SIK2: variants seen among roughly 807,000 people sequenced by gnomAD.
SIK2 encodes serine/threonine-protein kinase SIK2.
SIK2 carries 29 observed loss-of-function variants against 103.2 expected under a neutral mutation model. The ratio of observed to expected loss-of-function variants is 0.28; its 90% CI spans 0.21 to 0.38. The LOEUF (loss-of-function observed/expected upper bound fraction) is 0.38, where lower values mean the gene tolerates loss of function less well. Ranked by LOEUF, SIK2 falls within the 10% of genes least tolerant of loss-of-function variation. SIK2 has a pLI of 1.00. For synonymous variants in SIK2, 412 were observed against 446.1 expected (o/e 0.92, Z 0.96); for missense variants, 879 against 1,171.0 (o/e 0.75, Z 3.64).
intron 3 of SIK2, among the ~76,000 whole-genome samples, chr11:111,651,985 A>G (rs973745073): frequency 7.2e-5 from 11 of 152,198 alleles, no homozygotes; most frequent in African/African-American, 2.7e-4. Flanking sequence ...ACAAGGAGTC[A>G]ATTCTTTGTA....
At chr11:111,674,563 T>C (rs1388373682) in intron 3 of SIK2, among the ~76,000 whole-genome samples, 1 of 152,330 alleles carries the variant, frequency 6.6e-6, no homozygotes, top group South Asian at 2.1e-4. Flanking sequence ...TCTTAATATC[T>C]AAAGATGTCA....
At chr11:111,706,044 C>CAAAT (rs913941916) in intron 8 of SIK2, among the ~76,000 whole-genome samples, 1 of 152,200 alleles carries the variant, frequency 6.6e-6, no homozygotes, top group Non-Finnish European at 1.5e-5. Context: ...GACTCTGGAG[C>CAAAT]AAATCCCAAT....
In SIK2 at chr11:111,723,789, T is replaced by C; in HGVS notation, c.2441T>C (p.Leu814Pro). The part of the protein sequence containing the change: ...STSGPRAAPP[L>P]PTQLQQQQPP... The stretch of plus-strand genomic sequence containing the variant: ...TCCGGTCCCCGGGCTGCTCCTCCTC[T>C]GCCCACGCAGCTACAGCAGCAGCAG... The change falls in exon 15 of 15, where the codon CTG becomes CCG. Residue 814 changes from leucine (L) to proline (P), a missense_variant. Leu to Pro is a moderately conservative substitution (Grantham distance 98, BLOSUM62 -3). Coordinates refer to ENST00000304987, the MANE Select transcript of SIK2 (RefSeq NM_015191.3). 1 of 1,613,986 alleles carries C rather than the reference T, an allele frequency of 6.2e-7. No homozygotes were observed. Among genetic ancestry groups the C allele is most frequent in the Non-Finnish European group, 8.5e-7 (1 of 1,180,038 alleles).
chr11:111,657,463 C>T (rs1942405698), intron 3 of SIK2, among the ~76,000 whole-genome samples: 1 of 152,150 alleles, frequency 6.6e-6, no homozygotes, highest in African/African-American at 2.4e-5. Flanking sequence ...AGCCATGGCT[C>T]ACTGCAGCCT....
chr11:111,730,319 GA>G lies in SIK2; in HGVS notation c.*6193del, dbSNP rs1944144868. ...TCTGCAGAAGATTTGCTCAGTCAAGGAAATTCAAGTGGTGAGACCTTTCCAC... is the reference window on the plus strand; with the variant it reads ...TCTGCAGAAGATTTGCTCAGTCAAGGAATTCAAGTGGTGAGACCTTTCCAC... On this transcript the variant is annotated 3_prime_UTR_variant, in exon 15 of 15. Transcript: ENST00000304987. The G allele has an allele frequency of 6.6e-6, 1 of 152,220 alleles. No homozygotes were observed. Among genetic ancestry groups the G allele is most frequent in the Non-Finnish European group, 1.5e-5 (1 of 68,046 alleles). 9.4% of individuals were successfully genotyped at this position (152,220 alleles called of 1,614,324 possible).
Position 111,664,350 on chromosome 11 carries a change from C to T in SIK2, c.317-23651C>T, listed in dbSNP as rs117460688. Among the ~76,000 whole-genome samples, 1,164 of 152,170 alleles carry T rather than the reference C, an allele frequency of 7.6e-3. 10 individuals carry two copies. Among genetic ancestry groups the T allele is most frequent in the South Asian group, 0.027 (130 of 4,816 alleles). ...TAAGAACCAGGTATTCGGCCAGGCA[C>T]GGTGGCTCACACCTGTAATCTTTGG... On this transcript the variant is annotated intron_variant, in intron 3 of 14. Coordinates refer to ENST00000304987, the MANE Select transcript of SIK2 (RefSeq NM_015191.3).
Position 111,701,046 on chromosome 11 carries a change from T to TA in SIK2, c.603+37dup, listed in dbSNP as rs1219273692. 1 of 1,597,666 alleles carries TA rather than the reference T, an allele frequency of 6.3e-7. No homozygotes were observed. The highest frequency in any genetic ancestry group is 8.6e-7 in the Non-Finnish European group (1 of 1,168,682). On this transcript the variant is annotated intron_variant, in intron 5 of 14. Coordinates refer to ENST00000304987, the MANE Select transcript of SIK2 (RefSeq NM_015191.3). This position sits in a 1 kb window ranked among gnomAD's most constrained non-coding sequence, Gnocchi z 4.2. ...GCTTTGCTGTGTTGTTAAATGCATC[T>TA]ATACTGATAATACTTGGTGTTCTGG...
chr11:111,639,128 G>A (rs1449308979), intron 3 of SIK2, among the ~76,000 whole-genome samples: 5 of 152,178 alleles, frequency 3.3e-5, no homozygotes, highest in Admixed American at 6.5e-5. Flanking sequence ...GCTGAAAGAA[G>A]TTTAAATGGT....
intron 3 of SIK2, among the ~76,000 whole-genome samples, chr11:111,635,437 A>G (rs1245358899): frequency 1.2e-5 from 1 of 82,604 alleles, no homozygotes; most frequent in Non-Finnish European, 2.2e-5. Context: ...GGAGGAAGGA[A>G]GGAAGGGAGG....
At chr11:111,702,716 GT>G (rs1256003109) in intron 6 of SIK2, among the ~76,000 whole-genome samples, 2 of 152,220 alleles carry the variant, frequency 1.3e-5, no homozygotes, top group African/African-American at 2.4e-5. Flanking sequence ...CAGCAGTGCG[GT>G]TTTCTTGGTG....
chr11:111,612,915 GATATATATAT>G (rs67675103), intron 1 of SIK2, among the ~76,000 whole-genome samples: 44 of 50,002 alleles, frequency 8.8e-4, no homozygotes, highest in African/African-American at 1.9e-3. Flanking sequence ...ATAGCAATGG[GATATATATAT>G]ATATATATAT....
chr11:111,719,206 T>C (rs551677151), intron 9 of SIK2, among the ~76,000 whole-genome samples: 1 of 152,348 alleles, frequency 6.6e-6, no homozygotes, highest in Admixed American at 6.5e-5. Flanking sequence ...TCTGTCTATA[T>C]AGAATTCTTA....
chr11:111,695,198 G>T lies in SIK2; in HGVS notation c.479-5688G>T, dbSNP rs547229599. The stretch of plus-strand genomic sequence containing the variant: ...AAAGGATGTGTAACTCTTCATCGAG[G>T]CTGGGTAGCTGAATTCTGCTGGTAA... On this transcript the variant is annotated intron_variant, in intron 4 of 14. Coordinates refer to ENST00000304987, the MANE Select transcript of SIK2 (RefSeq NM_015191.3). Among the ~76,000 whole-genome samples, 4 of 152,228 alleles carry T rather than the reference G, an allele frequency of 2.6e-5. No homozygotes were observed. The South Asian group carries it at 6.2e-4, about 24-fold the overall frequency.
chr11:111,723,871 C>T lies in SIK2; in HGVS notation c.2523C>T (p.Pro841=). The change falls in exon 15 of 15, where the codon CCC becomes CCT. Residue 841 remains proline, a synonymous_variant. Coordinates refer to ENST00000304987, the MANE Select transcript of SIK2 (RefSeq NM_015191.3). The part of the protein sequence containing the change: ...PPRQPGAAPA[P]LQFSYQTCEL... The stretch of plus-strand genomic sequence containing the variant: ...GACAGCCAGGAGCTGCCCCAGCCCC[C>T]TTACAGTTCTCCTATCAGACTTGTG... 1 of 1,613,792 alleles carries T rather than the reference C, an allele frequency of 6.2e-7. No homozygotes were observed. Among genetic ancestry groups the T allele is most frequent in the Non-Finnish European group, 8.5e-7 (1 of 1,179,848 alleles).
rs1944147610 is a variant in SIK2, at chr11:111,730,400, G to A, written c.*6271G>A. The A allele has an allele frequency of 6.6e-6, 1 of 152,196 alleles. No homozygotes were observed. The highest frequency in any genetic ancestry group is 6.5e-5 in the Admixed American group (1 of 15,282). 9.4% of individuals were successfully genotyped at this position (152,196 alleles called of 1,614,324 possible). A position where few individuals can be genotyped will look rare whatever the true frequency, so the allele number is the denominator to read the frequency against. ...CAAAATCTCTGAAGGGGAAAGAAGT[G>A]GAGAGAAAGGTTTGCTTCACTTCGG... On this transcript the variant is annotated 3_prime_UTR_variant, in exon 15 of 15. Coordinates refer to ENST00000304987, the MANE Select transcript of SIK2 (RefSeq NM_015191.3).
At chr11:111,642,100 G>T (rs1439306539) in intron 3 of SIK2, among the ~76,000 whole-genome samples, 1 of 152,144 alleles carries the variant, frequency 6.6e-6, no homozygotes, top group African/African-American at 2.4e-5. Flanking sequence ...CTTCTGAACG[G>T]TTTTTCACTC....
At position 111,701,722 on chromosome 11, in the gene SIK2, C is replaced by T. The variant is rs1291674449; in HGVS notation, c.727+147C>T. The T allele has an allele frequency of 1.0e-6, 1 of 953,990 alleles. No homozygotes were observed. The highest frequency in any genetic ancestry group is 1.7e-5 in the African/African-American group (1 of 60,112). The allele number at this position is 953,990 out of a possible 1,614,324, so 59.1% of individuals were successfully genotyped here. On this transcript the variant is annotated intron_variant, in intron 6 of 14. Coordinates refer to ENST00000304987, the MANE Select transcript of SIK2 (RefSeq NM_015191.3). The surrounding 1 kb of genome is among the most constrained non-coding windows in gnomAD (Gnocchi z 4.2). ...GTTAAAAGCTATAGAAAGAAGCAAC[C>T]TCCTTTATGTAGGCGAGACAGGTTC...
At chr11:111,627,516 C>T (rs1941976604) in intron 3 of SIK2, among the ~76,000 whole-genome samples, 2 of 152,110 alleles carry the variant, frequency 1.3e-5, no homozygotes, top group African/African-American at 4.8e-5. Context: ...GTACTGTCTG[C>T]AGTTTCAGGC....
chr11:111,605,133 G>A (rs1941633010), intron 1 of SIK2, among the ~76,000 whole-genome samples: 1 of 151,842 alleles, frequency 6.6e-6, no homozygotes, highest in African/African-American at 2.4e-5. Flanking sequence ...CGGCTAATTT[G>A]TGTGTTTTTA....
Sources: gnomAD v4.1 joint callset for allele counts (sites outside exome capture counted in the v4.1 genomes callset) on GRCh38, gnomAD v4.1.1 for gene constraint, Gnocchi (gnomAD v3.1) non-coding constraint, MANE v1.5 for transcripts, NCBI Gene and HGNC (gene_info 2026-07-23, HGNC 2026-07-21) for gene names.